The following CUL9 variants were observed in gnomAD, a reference collection of about 807,000 sequenced individuals.
CUL9 encodes the protein cullin 9.
A neutral mutation model predicts 272.6 loss-of-function variants in CUL9; 79 were observed. The ratio of observed to expected loss-of-function variants is 0.29; its 90% CI spans 0.24 to 0.35. CUL9 has a LOEUF of 0.35. CUL9 is among the 10% of genes least tolerant of loss of function. CUL9 has a pLI of 1.00. For missense variants in CUL9, 2,532 were observed against 3,255.6 expected (o/e 0.78, Z 5.41); for synonymous variants, 1,186 against 1,286.5 (o/e 0.92, Z 1.67).
intron 8 of CUL9, among the ~76,000 whole-genome samples, chr6:43,191,923 TG>T (rs933235760): frequency 1.6e-4 from 25 of 151,692 alleles, no homozygotes; most frequent in Non-Finnish European, 2.9e-4. Context: ...TTTTTTTTTT[TG>T]CTGGCTTATA....
intron 9 of CUL9, among the ~76,000 whole-genome samples, chr6:43,194,166 G>A (rs1358972415): frequency 2.0e-5 from 3 of 152,272 alleles, no homozygotes; most frequent in South Asian, 2.1e-4. Context: ...GGCAGGCTTC[G>A]GCCAGAGCAG....
Position 43,221,454 on chromosome 6 carries a change from C to G in CUL9, c.6752+133C>G. The stretch of plus-strand genomic sequence containing the variant: ...TCCTCAGCCGCCCCTCACGTGGCAG[C>G]CTCCACGGTGACTTCCTGGATCTTA... On this transcript the variant is annotated intron_variant, in intron 34 of 40. Coordinates refer to ENST00000252050, the MANE Select transcript of CUL9 (RefSeq NM_015089.4). This position sits in a 1 kb window ranked among gnomAD's most constrained non-coding sequence, Gnocchi z 4.2. 1 of 1,104,000 alleles carries G rather than the reference C, an allele frequency of 9.1e-7. No homozygotes were observed. Among genetic ancestry groups the G allele is most frequent in the East Asian group, 2.6e-5 (1 of 38,718 alleles). 68.4% of individuals were successfully genotyped at this position (1,104,000 alleles called of 1,614,324 possible).
At chr6:43,201,688 T>C (rs550313070) in intron 16 of CUL9, among the ~76,000 whole-genome samples, 205 of 152,166 alleles carry the variant, frequency 1.3e-3, no homozygotes, top group Non-Finnish European at 2.0e-3. Flanking sequence ...ACCGTGTTAG[T>C]CAGGATGGTC....
chr6:43,184,775 C>G lies in CUL9; in HGVS notation c.465C>G (p.Ile155Met). The part of the protein sequence containing the change: ...TIHVLSAYAS[I>M]GPLTGVFRET... ...ACGTGCTCAGTGCCTACGCCAGCAT[C>G]GGGCCCCTCACTGGTGTCTTCAGGG... The change falls in exon 2 of 41, where the codon ATC becomes ATG. Residue 155 changes from isoleucine to methionine, a missense_variant. By Grantham distance (10) the Ile-to-Met change is conservative. Transcript: ENST00000252050. The surrounding 1 kb of genome is among the most constrained non-coding windows in gnomAD (Gnocchi z 4.8). 1.9e-6 allele frequency: 3 copies of G among 1,614,166 alleles called. No individual in the cohort carries two copies. The highest frequency in any genetic ancestry group is 2.5e-6 in the Non-Finnish European group (3 of 1,180,044).
At position 43,199,441 on chromosome 6, in the gene CUL9, T is replaced by G; in HGVS notation, c.3156+70T>G. On this transcript the variant is annotated intron_variant, in intron 13 of 40. Transcript: ENST00000252050. The surrounding 1 kb of genome is among the most constrained non-coding windows in gnomAD (Gnocchi z 4.4). ...GGGGCACCAACTCCTTGTGAGGCTCTGGAGGGCACAGCAGAGCCTTTCTGA... is the reference window on the plus strand; with the variant it reads ...GGGGCACCAACTCCTTGTGAGGCTCGGGAGGGCACAGCAGAGCCTTTCTGA... 3 of 1,218,998 alleles carry G rather than the reference T, an allele frequency of 2.5e-6. No individual in the cohort carries two copies. The highest frequency in any genetic ancestry group is 2.4e-6 in the Non-Finnish European group (2 of 824,670). The allele number at this position is 1,218,998 out of a possible 1,614,324, so 75.5% of individuals were successfully genotyped here. A position where few individuals can be genotyped will look rare whatever the true frequency, so the allele number is the denominator to read the frequency against.
At position 43,213,786 on chromosome 6, in the gene CUL9, C is replaced by T. The variant is rs750861382; in HGVS notation, c.5562C>T (p.Tyr1854=). 17 of 1,614,034 alleles carry T rather than the reference C, an allele frequency of 1.1e-5. No homozygotes were observed. The highest frequency in any genetic ancestry group is 2.2e-5 in the East Asian group (1 of 44,904). The change falls in exon 29 of 41, where the codon TAC becomes TAT. Residue 1854 remains tyrosine (Y), a synonymous_variant. Transcript: ENST00000252050. This position sits in a 1 kb window ranked among gnomAD's most constrained non-coding sequence, Gnocchi z 5.7. ...TGTGGCTGATACCTCCCCAGGCATA[C>T]CTGAACGTAGAGAAGGATGAAGGCC... ...EALWLIPPQA[Y]LNVEKDEGRT...
In CUL9 at chr6:43,206,222, T is replaced by C. The variant is rs769499558; in HGVS notation, c.5009T>C (p.Leu1670Pro). The change falls in exon 25 of 41, where the codon CTA becomes CCA. Residue 1670 changes from leucine (L) to proline (P), a missense_variant. Physicochemically the swap from Leu to Pro is moderately conservative, Grantham distance 98. Around this residue, in one of 3 missense-constraint regions of CUL9, gnomAD observed 2,218 missense variants for 2,788.6 expected, o/e 0.80. Transcript: ENST00000252050. This position sits in a 1 kb window ranked among gnomAD's most constrained non-coding sequence, Gnocchi z 4.8. ...LEQEDEEEKR[L>P]EEEEEEEEEE... ...CAGGAAGATGAGGAGGAAAAGAGAC[T>C]AGAGGAAGAGGAGGTAAGAGCAGGG... The C allele has an allele frequency of 1.2e-6, 2 of 1,611,668 alleles. No homozygotes were observed. Among genetic ancestry groups the C allele is most frequent in the South Asian group, 2.2e-5 (2 of 90,854 alleles).
chr6:43,188,279 T>G (rs1773104403), intron 7 of CUL9, 161 bp downstream of exon 7: 1 of 912,754 alleles, frequency 1.1e-6, no homozygotes, highest in Non-Finnish European at 1.6e-6. Context: ...TGACCTTGAT[T>G]GTATTTAATT....
intron 2 of CUL9, 38 bp from the exon 3 acceptor site, chr6:43,185,418 G>T: frequency 6.2e-7 from 1 of 1,600,078 alleles, no homozygotes; most frequent in Non-Finnish European, 8.5e-7. Flanking sequence ...AAAGTACTGG[G>T]GATTGAGGAG....
At position 43,203,870 on chromosome 6, in the gene CUL9, C is replaced by T. The variant is rs774540471; in HGVS notation, c.4042C>T (p.Arg1348Cys). The T allele has an allele frequency of 3.7e-6, 6 of 1,611,550 alleles. No homozygotes were observed. The highest frequency in any genetic ancestry group is 1.3e-5 in the African/African-American group (1 of 74,878). The change falls in exon 20 of 41, where the codon CGC (arginine) becomes TGC (cysteine). Residue 1348 changes from arginine (R) to cysteine (C), a missense_variant. Around this residue, in one of 3 missense-constraint regions of CUL9, gnomAD observed 2,218 missense variants for 2,788.6 expected, o/e 0.80. Coordinates refer to ENST00000252050, the MANE Select transcript of CUL9 (RefSeq NM_015089.4). This position sits in a 1 kb window ranked among gnomAD's most constrained non-coding sequence, Gnocchi z 5.0. ...TGTTCCCAGACTGAACAGGGTTTTG[C>T]GCCACGAGCAGAATTTTGCTGACCG... ...QLCPRLNRVLRHEQNFADRFL... is the reference protein window; with the variant it reads ...QLCPRLNRVLCHEQNFADRFL...
chr6:43,201,263 T>C (rs1370027553), intron 16 of CUL9, among the ~76,000 whole-genome samples: 4 of 152,108 alleles, frequency 2.6e-5, no homozygotes, highest in Non-Finnish European at 5.9e-5. Context: ...GTGGTCCACA[T>C]GTGGACCTGA....
At chr6:43,195,957 A>G (rs781663903) in intron 9 of CUL9, 112 bp from the exon 10 acceptor site, 17 of 772,100 alleles carry the variant, frequency 2.2e-5, no homozygotes, top group Non-Finnish European at 3.7e-5. Context: ...CTCCTACTCT[A>G]CCTATCTGCA....
chr6:43,201,430 T>G (rs1033408132), intron 16 of CUL9, among the ~76,000 whole-genome samples: 4 of 152,186 alleles, frequency 2.6e-5, no homozygotes. Context: ...TGGAGGGACT[T>G]TAAGTCATCA....
chr6:43,222,979 G>A lies in CUL9; in HGVS notation c.7150+83G>A, dbSNP rs1271879891. The A allele has an allele frequency of 1.4e-5, 16 of 1,175,526 alleles. 1 individual carries two copies. Among genetic ancestry groups the A allele is most frequent in the Admixed American group, 7.3e-5 (4 of 54,920 alleles). 72.8% of individuals were successfully genotyped at this position (1,175,526 alleles called of 1,614,324 possible). Reference sequence around the variant, plus strand: ...CCGGCCCCTCCCAGACAGGTCAAGCGGCACCCTTACCTTCCCTCTCTCCTC... The same window carrying A: ...CCGGCCCCTCCCAGACAGGTCAAGCAGCACCCTTACCTTCCCTCTCTCCTC... On this transcript the variant is annotated intron_variant, in intron 38 of 40. Transcript: ENST00000252050.
At chr6:43,192,907 G>C in intron 8 of CUL9, 94 bp from the exon 9 acceptor site, 1 of 1,066,712 alleles carries the variant, frequency 9.4e-7, no homozygotes, top group South Asian at 1.4e-5. Context: ...GATCTTGGTG[G>C]ATGGGATTGG....
At chr6:43,207,508 A>C (rs1339827721) in intron 26 of CUL9, among the ~76,000 whole-genome samples, 1 of 152,140 alleles carries the variant, frequency 6.6e-6, no homozygotes, top group African/African-American at 2.4e-5. Context: ...CATTGTATGG[A>C]TGTATTTACC....
At chr6:43,187,533 G>A in intron 6 of CUL9, 94 bp downstream of exon 6, 1 of 1,406,682 alleles carries the variant, frequency 7.1e-7, no homozygotes, top group African/African-American at 1.4e-5. Context: ...CGCTTAGGGG[G>A]AGGCTGGAGC....
In CUL9 at chr6:43,197,642, C is replaced by T. The variant is rs534194684; in HGVS notation, c.2803+780C>T. ...GGGATTACAGGTGCGCACCACCACA[C>T]CCAGCTAATTTTTGTATATTTAGTA... is the stretch of plus-strand genomic sequence containing the variant. On this transcript the variant is annotated intron_variant, in intron 11 of 40. Transcript: ENST00000252050. Among the ~76,000 whole-genome samples, 41 of 150,462 alleles carry T rather than the reference C, an allele frequency of 2.7e-4. 1 individual carries two copies. Among genetic ancestry groups the T allele is most frequent in the African/African-American group, 1.0e-3 (40 of 40,188 alleles).
rs1210486509 is a variant in CUL9 at position 43,203,210 on chromosome 6, G to A, written c.3849+6G>A. On this transcript the variant is annotated splice_donor_region_variant and intron_variant, in intron 18 of 40. Coordinates refer to ENST00000252050, the MANE Select transcript of CUL9 (RefSeq NM_015089.4). The surrounding 1 kb of genome is among the most constrained non-coding windows in gnomAD (Gnocchi z 5.0). ...GCATAAAGCGCTGCCAGCAGGTGGTGTTAGGGTGTCAGCCAGGGCTGAGGA... is the reference window on the plus strand; with the variant it reads ...GCATAAAGCGCTGCCAGCAGGTGGTATTAGGGTGTCAGCCAGGGCTGAGGA... 7 of 1,614,074 alleles carry A rather than the reference G, an allele frequency of 4.3e-6. No individual in the cohort carries two copies. Among genetic ancestry groups the A allele is most frequent in the East Asian group, 2.2e-5 (1 of 44,884 alleles).
Sources: allele counts gnomAD v4.1 joint callset (sites outside exome capture counted in the v4.1 genomes callset), GRCh38; gene constraint gnomAD v4.1.1; regional missense constraint gnomAD v4.1.1; non-coding constraint Gnocchi (gnomAD v3.1); transcripts MANE v1.5; gene names NCBI Gene and HGNC (gene_info 2026-07-23, HGNC 2026-07-21).